The following FBXL20 variants were observed in gnomAD, a reference collection of about 807,000 sequenced individuals.
FBXL20 encodes F-box and leucine rich repeat protein 20, also known as F-box/LRR-repeat protein 20.
Under a neutral mutation model 64.0 loss-of-function variants are expected in FBXL20, and 11 were observed. The observed-to-expected ratio is 0.17, with a 90% CI of 0.11 to 0.28. FBXL20 has a LOEUF of 0.28. Among genes scored for constraint, FBXL20 ranks in the 10% least tolerant of loss-of-function variants. The probability of loss-of-function intolerance (pLI) is 1.00; values close to 1 mark genes in which losing one functional copy is unlikely to be tolerated. For missense variants in FBXL20, 303 were observed against 526.2 expected, an observed-to-expected ratio of 0.58 and a Z score of 4.15; for synonymous variants, 184 against 189.0, an observed-to-expected ratio of 0.97 and a Z score of 0.22.
At chr17:39,264,052 T>A (rs1042854523) in intron 14 of FBXL20, 123 bp downstream of exon 14, 1 of 1,088,934 alleles carries the variant, frequency 9.2e-7, no homozygotes, top group Non-Finnish European at 1.3e-6. Flanking sequence ...TTTTTCTCTT[T>A]CCCTTGTTAA....
intron 6 of FBXL20, among the ~76,000 whole-genome samples, chr17:39,288,350 C>T (rs981430271): frequency 1.3e-5 from 2 of 152,092 alleles, no homozygotes; most frequent in Non-Finnish European, 2.9e-5. Flanking sequence ...CATTTTTGTT[C>T]GTTTAATTGT....
intron 1 of FBXL20, among the ~76,000 whole-genome samples, chr17:39,377,506 G>GGTT (rs2047978824): frequency 6.9e-6 from 1 of 144,408 alleles, no homozygotes; most frequent in African/African-American, 2.5e-5. Flanking sequence ...TTTTGTTGTT[G>GGTT]TTTTTTTTTT....
At chr17:39,262,212 A>C (rs1022060418) in intron 14 of FBXL20, among the ~76,000 whole-genome samples, 1 of 152,110 alleles carries the variant, frequency 6.6e-6, no homozygotes, top group Non-Finnish European at 1.5e-5. Flanking sequence ...ACTGAGGCCA[A>C]CTCGAACTCA....
At chr17:39,321,033 G>A (rs1326001545) in intron 2 of FBXL20, among the ~76,000 whole-genome samples, 5 of 152,106 alleles carry the variant, frequency 3.3e-5, no homozygotes, top group Non-Finnish European at 7.4e-5. Context: ...AAAGAAACTA[G>A]TATGTATTTG....
intron 1 of FBXL20, among the ~76,000 whole-genome samples, chr17:39,350,061 ATCATTT>A (rs1278604116): frequency 6.6e-6 from 1 of 152,224 alleles, no homozygotes; most frequent in African/African-American, 2.4e-5. Context: ...GTAAAACTTA[ATCATTT>A]TAATTTTAGA....
At chr17:39,339,165 CAAAAAA>C (rs59901064) in intron 2 of FBXL20, among the ~76,000 whole-genome samples, 1 of 68,030 alleles carries the variant, frequency 1.5e-5, no homozygotes. Flanking sequence ...GACCCTGTCT[CAAAAAA>C]AAAAAAAAAA....
chr17:39,364,268 A>C (rs1352242238), intron 1 of FBXL20, among the ~76,000 whole-genome samples: 1 of 152,040 alleles, frequency 6.6e-6, no homozygotes, highest in Non-Finnish European at 1.5e-5. Context: ...GATGGGGTTT[A>C]TTTTCCCACC....
intron 2 of FBXL20, among the ~76,000 whole-genome samples, chr17:39,309,635 T>C (rs1484118902): frequency 6.6e-6 from 1 of 151,534 alleles, no homozygotes. Context: ...AAACCCCGTC[T>C]CTACTAAAAT....
At chr17:39,347,040 A>G (rs923106436) in intron 1 of FBXL20, among the ~76,000 whole-genome samples, 2 of 152,076 alleles carry the variant, frequency 1.3e-5, no homozygotes, top group African/African-American at 4.8e-5. Context: ...TTATGGCTGC[A>G]TAGTATTCCA....
intron 1 of FBXL20, among the ~76,000 whole-genome samples, chr17:39,376,872 C>A (rs1030053357): frequency 6.6e-6 from 1 of 152,076 alleles, no homozygotes; most frequent in Admixed American, 6.6e-5. Flanking sequence ...TTGAAACCAC[C>A]TTTGCAAAAT....
rs371090653 is a variant in FBXL20, at chr17:39,367,691, C to A, written c.43-24450G>T. Among the ~76,000 whole-genome samples the A allele has an allele frequency of 9.9e-5, 15 of 151,928 alleles. No homozygotes were observed. In the East Asian group the frequency reaches 2.3e-3, roughly 24 times the overall value. On this transcript the variant is annotated intron_variant, in intron 1 of 14. Transcript: ENST00000264658. ...CTTTACTTCCAAATTTTTACTAATT[C>A]TTTTTGGGGGACAGAGGATTATCAT... is the stretch of plus-strand genomic sequence containing the variant.
At chr17:39,269,360 AT>A (rs2046820209) in intron 11 of FBXL20, among the ~76,000 whole-genome samples, 1 of 151,352 alleles carries the variant, frequency 6.6e-6, no homozygotes. Flanking sequence ...CGCCTGGCTA[AT>A]TTTTTGCATT....
At chr17:39,309,099 C>A (rs2047209121) in intron 2 of FBXL20, among the ~76,000 whole-genome samples, 1 of 152,084 alleles carries the variant, frequency 6.6e-6, no homozygotes, top group South Asian at 2.1e-4. Context: ...TCTATATGGC[C>A]AATCACTATT....
intron 2 of FBXL20, among the ~76,000 whole-genome samples, chr17:39,333,790 G>A (rs1007529292): frequency 4.0e-4 from 60 of 151,486 alleles, no homozygotes; most frequent in Non-Finnish European, 5.7e-4. Flanking sequence ...GCCTCTGCCC[G>A]GCCGCGACCC....
intron 1 of FBXL20, among the ~76,000 whole-genome samples, chr17:39,383,686 T>G (rs901478090): frequency 6.7e-6 from 1 of 149,552 alleles, no homozygotes; most frequent in Admixed American, 6.8e-5. Context: ...GCCTCCCAGG[T>G]TCAAGCAATT....
At position 39,253,907 on chromosome 17, in the gene FBXL20, A is replaced by G. The variant is rs1416958176; in HGVS notation, c.*7553T>C. Reference sequence around the variant, plus strand: ...AGATTTTCTAAGACCTTAGGTTTTCATTCTCTAGTGCCATAAAAAAGGAAA... The same window carrying G: ...AGATTTTCTAAGACCTTAGGTTTTCGTTCTCTAGTGCCATAAAAAAGGAAA... On this transcript the variant is annotated 3_prime_UTR_variant, in exon 15 of 15. Coordinates refer to ENST00000264658, the MANE Select transcript of FBXL20 (RefSeq NM_032875.3). 6.6e-6 allele frequency: 1 copy of G among 152,206 alleles called. No individual in the cohort carries two copies. The highest frequency in any genetic ancestry group is 2.4e-5 in the African/African-American group (1 of 41,424). The allele number at this position is 152,206 out of a possible 1,614,324, so 9.4% of individuals were successfully genotyped here.
chr17:39,302,915 T>A (rs970631965), intron 3 of FBXL20, among the ~76,000 whole-genome samples: 1 of 151,674 alleles, frequency 6.6e-6, no homozygotes, highest in Non-Finnish European at 1.5e-5. Context: ...GCTCTGAAAC[T>A]ATTTTTTTTT....
At chr17:39,340,762 A>G (rs1295475481) in intron 2 of FBXL20, among the ~76,000 whole-genome samples, 4 of 152,074 alleles carry the variant, frequency 2.6e-5, no homozygotes, top group African/African-American at 9.7e-5. Context: ...CCTACTACCC[A>G]GTTATCCTTC....
intron 1 of FBXL20, among the ~76,000 whole-genome samples, chr17:39,392,115 C>T (rs1040258350): frequency 1.3e-5 from 2 of 151,754 alleles, no homozygotes; most frequent in Non-Finnish European, 2.9e-5. Context: ...CTAGCCCAGG[C>T]GACAGTGCGA....
Sources: allele counts gnomAD v4.1 joint callset (sites outside exome capture counted in the v4.1 genomes callset), GRCh38; gene constraint gnomAD v4.1.1; transcripts MANE v1.5; gene names NCBI Gene and HGNC (gene_info 2026-07-23, HGNC 2026-07-21).